The following C1orf159 variants were observed in gnomAD, a reference collection of about 807,000 sequenced individuals.
C1orf159 encodes chromosome 1 open reading frame 159.
In C1orf159, 19 loss-of-function variants were observed where a neutral mutation model predicts 25.6. That is an observed-to-expected ratio of 0.74 (90% CI 0.52 to 1.09). C1orf159 has a LOEUF of 1.09. C1orf159 is among the 50% of genes least tolerant of loss of function. The probability of loss-of-function intolerance (pLI) is 0.00; values close to 1 mark genes in which losing one functional copy is unlikely to be tolerated. For synonymous variants in C1orf159, 139 were observed against 124.7 expected (o/e 1.12, Z -0.77); for missense variants, 274 against 290.6 (o/e 0.94, Z 0.42).
chr1:1,082,999 CAG>C lies in C1orf159; in HGVS notation c.503-14_503-13del, dbSNP rs1645769906. On this transcript the variant is annotated splice_polypyrimidine_tract_variant and intron_variant, in intron 9 of 9. Transcript: ENST00000421241. ...GCGCGGCTTCCGTACTGAAACGGGT[CAG>C]AGACAGGCGAGGTCAGAGTGGGACC... The C allele has an allele frequency of 4.4e-6, 7 of 1,579,004 alleles. No homozygotes were observed. The South Asian group carries it at 5.8e-5, about 13-fold the overall frequency.
chr1:1,112,232 G>A (rs532458363), intron 1 of C1orf159, among the ~76,000 whole-genome samples: 10 of 152,362 alleles, frequency 6.6e-5, no homozygotes, highest in African/African-American at 2.4e-4. Flanking sequence ...GCAGCTTCCC[G>A]ATACGATCTC....
Position 1,087,712 on chromosome 1 carries a change from A to G in C1orf159, c.149-115T>C. The G allele has an allele frequency of 1.2e-6, 1 of 808,600 alleles. No individual in the cohort carries two copies. Among genetic ancestry groups the G allele is most frequent in the Non-Finnish European group, 2.0e-6 (1 of 509,392 alleles). 50.1% of individuals were successfully genotyped at this position (808,600 alleles called of 1,614,324 possible). Reference sequence around the variant, plus strand: ...GATAACTTTCATTCCAGATACTAACATGCTCTGGAGGGTAGGTGGGCGGCA... The same window carrying G: ...GATAACTTTCATTCCAGATACTAACGTGCTCTGGAGGGTAGGTGGGCGGCA... On this transcript the variant is annotated intron_variant, in intron 4 of 9. Transcript: ENST00000421241. This position sits in a 1 kb window ranked among gnomAD's most constrained non-coding sequence, Gnocchi z 8.3.
chr1:1,087,297 A>C lies in C1orf159; in HGVS notation c.245-93T>G. ...GAAGGGATCTCAGGACGGAAATATG[A>C]AAGCGAGGGGCTGAGGGGGCGGAGC... On this transcript the variant is annotated intron_variant, in intron 5 of 9. Coordinates refer to ENST00000421241, the MANE Select transcript of C1orf159 (RefSeq NM_017891.5). The surrounding 1 kb of genome is among the most constrained non-coding windows in gnomAD (Gnocchi z 8.3). 7.4e-7 allele frequency: 1 copy of C among 1,342,344 alleles called. No homozygotes were observed. Among genetic ancestry groups the C allele is most frequent in the Middle Eastern group, 1.9e-4 (1 of 5,346 alleles). The allele number at this position is 1,342,344 out of a possible 1,614,324, so 83.2% of individuals were successfully genotyped here. A position where few individuals can be genotyped will look rare whatever the true frequency, so the allele number is the denominator to read the frequency against.
At chr1:1,102,071 C>CA (rs1237729417) in intron 1 of C1orf159, among the ~76,000 whole-genome samples, 1,940 of 38,788 alleles carry the variant, frequency 0.05, 61 homozygotes, top group Non-Finnish European at 0.068. Flanking sequence ...AACTCTGTCT[C>CA]AAAAAAAAAA....
intron 1 of C1orf159, among the ~76,000 whole-genome samples, chr1:1,113,462 G>A (rs1390706570): frequency 6.6e-6 from 1 of 152,070 alleles, no homozygotes; most frequent in Non-Finnish European, 1.5e-5. Flanking sequence ...TTGCGATCTC[G>A]GCTCACTGCA....
At chr1:1,108,374 G>A (rs1339761455) in intron 1 of C1orf159, among the ~76,000 whole-genome samples, 4 of 116,446 alleles carry the variant, frequency 3.4e-5, no homozygotes, top group African/African-American at 1.7e-4. Context: ...GTTCACCACA[G>A]CCACCATGTC....
rs181995003 is a variant in C1orf159, at chr1:1,089,585, C to A, written c.148+768G>T. Among the ~76,000 whole-genome samples, 2 of 152,320 alleles carry A rather than the reference C, an allele frequency of 1.3e-5. No homozygotes were observed. Among genetic ancestry groups the A allele is most frequent in the African/African-American group, 4.8e-5 (2 of 41,570 alleles). ...CCTCACTGGCTGCCACAGCCGCCGT[C>A]TTGACCACGCCCTCCTCACGAGGCC... On this transcript the variant is annotated intron_variant, in intron 4 of 9. Transcript: ENST00000421241. The surrounding 1 kb of genome is among the most constrained non-coding windows in gnomAD (Gnocchi z 7.5).
chr1:1,104,718 C>G (rs919824938), intron 1 of C1orf159, among the ~76,000 whole-genome samples: 8 of 151,986 alleles, frequency 5.3e-5, no homozygotes, highest in South Asian at 2.1e-4. Context: ...CTGCTTGAGC[C>G]CAGGAGTTCG....
chr1:1,090,325 G>A lies in C1orf159; in HGVS notation c.148+28C>T, dbSNP rs761544338. Reference sequence around the variant, plus strand: ...ACACCAGTGGCTCAGGGGCCGGTCTGGAATCTGCTTGGGACAAAGCGGCTT... The same window carrying A: ...ACACCAGTGGCTCAGGGGCCGGTCTAGAATCTGCTTGGGACAAAGCGGCTT... On this transcript the variant is annotated intron_variant, in intron 4 of 9. Transcript: ENST00000421241. 3.9e-6 allele frequency: 6 copies of A among 1,549,772 alleles called. No individual in the cohort carries two copies. The African/African-American group carries it at 4.1e-5, about 11-fold the overall frequency.
chr1:1,107,718 G>A (rs534142299), intron 1 of C1orf159, among the ~76,000 whole-genome samples: 60 of 152,264 alleles, frequency 3.9e-4, no homozygotes, highest in African/African-American at 9.4e-4. Flanking sequence ...GCAGGCTGCC[G>A]GAGCCAGCAG....
At chr1:1,107,688 G>A (rs1292983762) in intron 1 of C1orf159, among the ~76,000 whole-genome samples, 2 of 152,194 alleles carry the variant, frequency 1.3e-5, no homozygotes, top group African/African-American at 4.8e-5. Context: ...ATGTGGGTGG[G>A]GTCAGATAAG....
intron 1 of C1orf159, among the ~76,000 whole-genome samples, chr1:1,108,448 G>GGCAGC (rs1646208978): frequency 1.2e-5 from 1 of 81,454 alleles, no homozygotes; most frequent in Non-Finnish European, 2.3e-5. Context: ...ACCATGTCTC[G>GGCAGC]ACACCGTTCA....
At chr1:1,084,680 G>A (rs988473490) in intron 7 of C1orf159, among the ~76,000 whole-genome samples, 174 bp from the exon 8 acceptor site, 1 of 152,104 alleles carries the variant, frequency 6.6e-6, no homozygotes, top group African/African-American at 2.4e-5. Context: ...TCTCCCTGCG[G>A]TGCATCAGCC....
intron 1 of C1orf159, among the ~76,000 whole-genome samples, chr1:1,111,337 G>A (rs34820586): frequency 3.5e-4 from 51 of 147,542 alleles, no homozygotes; most frequent in African/African-American, 1.2e-3. Flanking sequence ...AAACCAGCCC[G>A]GACAACAGAG....
intron 9 of C1orf159, chr1:1,083,460 G>T: frequency 4.9e-6 from 1 of 206,022 alleles, no homozygotes. Context: ...GAGGCAGAGA[G>T]AGAAGACGCA....
At chr1:1,090,826 A>ACG (rs1456764600) in intron 3 of C1orf159, 1 of 1,467,856 alleles carries the variant, frequency 6.8e-7, no homozygotes, top group Admixed American at 2.0e-5. Flanking sequence ...GGACGAATTC[A>ACG]CGCCCAGGTG....
At chr1:1,108,265 A>G (rs1327639172) in intron 1 of C1orf159, among the ~76,000 whole-genome samples, 1 of 136,210 alleles carries the variant, frequency 7.3e-6, no homozygotes, top group Admixed American at 7.2e-5. Flanking sequence ...ACCATGTCTC[A>G]GCAGCACCGT....
In C1orf159 at chr1:1,082,806, G is replaced by C. The variant is rs983449331; in HGVS notation, c.*87C>G. ...CCCAGGACTGTCCCGGGCGCCGGGCGATGCCAACACTTTGTGCTGGTTCCC... is the reference window on the plus strand; with the variant it reads ...CCCAGGACTGTCCCGGGCGCCGGGCCATGCCAACACTTTGTGCTGGTTCCC... On this transcript the variant is annotated 3_prime_UTR_variant, in exon 10 of 10. Transcript: ENST00000421241. 3.3e-5 allele frequency: 41 copies of C among 1,248,130 alleles called. No individual in the cohort carries two copies. The Admixed American group carries it at 7.7e-4, about 24-fold the overall frequency. The allele number at this position is 1,248,130 out of a possible 1,614,324, so 77.3% of individuals were successfully genotyped here. A position where few individuals can be genotyped will look rare whatever the true frequency, so the allele number is the denominator to read the frequency against.
At chr1:1,107,085 G>A (rs563157057) in intron 1 of C1orf159, among the ~76,000 whole-genome samples, 82 of 151,990 alleles carry the variant, frequency 5.4e-4, no homozygotes, top group African/African-American at 1.4e-3. Flanking sequence ...CCTCCCCAAC[G>A]GGCACCACCC....
Sources: allele counts gnomAD v4.1 joint callset (sites outside exome capture counted in the v4.1 genomes callset), GRCh38; gene constraint gnomAD v4.1.1; non-coding constraint Gnocchi (gnomAD v3.1); transcripts MANE v1.5; gene names NCBI Gene and HGNC (gene_info 2026-07-23, HGNC 2026-07-21).